FBXO25: variants seen among roughly 807,000 people sequenced by gnomAD.
The protein encoded by FBXO25 is F-box only protein 25.
In FBXO25, 45 loss-of-function variants were observed where a neutral mutation model predicts 51.9. That is an observed-to-expected ratio of 0.87 (90% CI 0.68 to 1.11). The LOEUF is 1.11. FBXO25 is among the 50% of genes most tolerant of loss of function. The probability of loss-of-function intolerance (pLI) is 0.00; values close to 1 mark genes in which losing one functional copy is unlikely to be tolerated. For missense variants in FBXO25, 507 were observed against 428.5 expected (o/e 1.18, Z -1.62); for synonymous variants, 199 against 151.0 (o/e 1.32, Z -2.33).
At position 468,790 on chromosome 8, in the gene FBXO25, C is replaced by T. The variant is rs767675060; in HGVS notation, c.1063C>T (p.Leu355Phe). 3.7e-6 allele frequency: 6 copies of T among 1,614,020 alleles called. No individual in the cohort carries two copies. Among genetic ancestry groups the T allele is most frequent in the Non-Finnish European group, 4.2e-6 (5 of 1,180,020 alleles). ...TGTGTCTCCGCAGCACTTCATCGAC[C>T]TCTTCAAGTTTTAAGGGCTGCCCCT... is the stretch of plus-strand genomic sequence containing the variant. ...TPVSPQHFID[L>F]FKF is the part of the protein sequence containing the mutation. Residue 355 changes from leucine (L) to phenylalanine (F), a missense_variant, in exon 10 of 10, where the codon CTC (leucine) becomes TTC (phenylalanine). Leu to Phe is a conservative substitution (Grantham distance 22). Coordinates refer to ENST00000350302, the MANE Select transcript of FBXO25 (RefSeq NM_183420.2).
intron 2 of FBXO25, among the ~76,000 whole-genome samples, chr8:428,277 G>C (rs923973741): frequency 1.3e-5 from 2 of 152,150 alleles, no homozygotes; most frequent in African/African-American, 4.8e-5. Context: ...GTATGCTGTG[G>C]TGCAGCCTGG....
Position 463,102 on chromosome 8 carries a change from C to CCGG in FBXO25, c.939_940insCGG (p.Tyr313_Gly314insArg). The stretch of plus-strand genomic sequence containing the variant: ...AACATTACCCAGCGAAGGAGCAGTA[C>CCGG]GGAGACACACTGCATTTCTGTCGGC... On this transcript the variant is annotated inframe_insertion, in exon 9 of 10. Coordinates refer to ENST00000350302, the MANE Select transcript of FBXO25 (RefSeq NM_183420.2). 1 of 1,613,808 alleles carries CCGG rather than the reference C, an allele frequency of 6.2e-7. No homozygotes were observed. Among genetic ancestry groups the CCGG allele is most frequent in the Non-Finnish European group, 8.5e-7 (1 of 1,179,928 alleles).
At chr8:423,252 C>A (rs961066661) in intron 2 of FBXO25, among the ~76,000 whole-genome samples, 19 of 152,280 alleles carry the variant, frequency 1.2e-4, no homozygotes, top group African/African-American at 4.6e-4. Flanking sequence ...GAGTCTTCAC[C>A]ATTGTGGTTC....
chr8:456,571 C>T (rs1405938100), intron 7 of FBXO25, among the ~76,000 whole-genome samples: 1 of 152,120 alleles, frequency 6.6e-6, no homozygotes, highest in Non-Finnish European at 1.5e-5. Flanking sequence ...TGACATCTGC[C>T]CTATGCGTGG....
chr8:446,033 C>T (rs900604432), intron 5 of FBXO25, among the ~76,000 whole-genome samples: 5 of 152,088 alleles, frequency 3.3e-5, no homozygotes, highest in Admixed American at 1.3e-4. Flanking sequence ...GGCACACCCT[C>T]CTGGTGTCTG....
intron 2 of FBXO25, among the ~76,000 whole-genome samples, chr8:426,969 T>A (rs564756103): frequency 2.0e-5 from 3 of 152,272 alleles, no homozygotes; most frequent in South Asian, 2.1e-4. Context: ...TAAAATTGAC[T>A]GGACTTTCTC....
At position 463,005 on chromosome 8, in the gene FBXO25, A is replaced by G; in HGVS notation, c.844-2A>G. ...ATTCTGAATGGAGTTTTGTTTGTTT[A>G]GTTTTGTAGACATTTGATCCTTTCA... On this transcript the variant is annotated splice_acceptor_variant, in intron 8 of 9. Transcript: ENST00000350302. LOFTEE classifies it high-confidence loss of function. 6.2e-7 allele frequency: 1 copy of G among 1,603,732 alleles called. No homozygotes were observed. The highest frequency in any genetic ancestry group is 8.5e-7 in the Non-Finnish European group (1 of 1,177,080).
Position 437,915 on chromosome 8 carries a change from A to C in FBXO25, c.381+2208A>C, listed in dbSNP as rs192380783. Among the ~76,000 whole-genome samples the C allele has an allele frequency of 2.0e-3, 304 of 152,268 alleles. 3 individuals carry two copies. Among genetic ancestry groups the C allele is most frequent in the Admixed American group, 4.4e-3 (68 of 15,298 alleles). The stretch of plus-strand genomic sequence containing the variant: ...CATAATTTAGTCTAAGTTGTCCATA[A>C]TGTCACTCAGTATTATTAGAATACC... On this transcript the variant is annotated intron_variant, in intron 5 of 9. Transcript: ENST00000350302.
intron 1 of FBXO25, chr8:407,351 G>C (rs1188317007): frequency 1.0e-6 from 1 of 975,956 alleles, no homozygotes; most frequent in Non-Finnish European, 1.2e-6. Flanking sequence ...TGCCGCGTGC[G>C]CGTCTGCTGA....
intron 2 of FBXO25, among the ~76,000 whole-genome samples, chr8:424,053 C>T (rs527646115): frequency 1.2e-4 from 18 of 151,298 alleles, no homozygotes; most frequent in African/African-American, 2.9e-4. Flanking sequence ...GGTACTGAGC[C>T]GTTTTCATGT....
At position 410,001 on chromosome 8, in the gene FBXO25, A is replaced by G. The variant is rs73669370; in HGVS notation, c.-8+2935A>G. 4.8e-3 allele frequency among the ~76,000 whole-genome samples: 732 copies of G among 152,124 alleles called. 2 individuals carry two copies. Among genetic ancestry groups the G allele is most frequent in the African/African-American group, 0.017 (693 of 41,526 alleles). On this transcript the variant is annotated intron_variant, in intron 1 of 9. Coordinates refer to ENST00000350302, the MANE Select transcript of FBXO25 (RefSeq NM_183420.2). ...AACTGTGGCACACATTTTGCCCTTT[A>G]TACTTATTCACCCACCATTCCCATG...
At chr8:430,300 G>T (rs1169078642) in intron 2 of FBXO25, among the ~76,000 whole-genome samples, 2 of 152,152 alleles carry the variant, frequency 1.3e-5, no homozygotes, top group African/African-American at 4.8e-5. Flanking sequence ...TCCATAAATT[G>T]CTGTTATAAT....
intron 1 of FBXO25, among the ~76,000 whole-genome samples, 189 bp from the exon 2 acceptor site, chr8:412,884 C>A (rs1382704646): frequency 6.6e-6 from 1 of 152,160 alleles, no homozygotes; most frequent in East Asian, 1.9e-4. Flanking sequence ...CGTTTACTTA[C>A]CCCATTTGAT....
intron 5 of FBXO25, among the ~76,000 whole-genome samples, chr8:444,447 T>A (rs1798616014): frequency 6.6e-6 from 1 of 152,248 alleles, no homozygotes. Flanking sequence ...CTAGTTTTAT[T>A]ATATTACCAC....
rs1252033954 is a variant in FBXO25 at position 458,457 on chromosome 8, T to C, written c.749T>C (p.Ile250Thr). Residue 250 changes from isoleucine (I) to threonine (T), a missense_variant, in exon 8 of 10, where the codon ATC becomes ACC. By Grantham distance (89) the Ile-to-Thr change is moderately conservative (BLOSUM62 -1). Coordinates refer to ENST00000350302, the MANE Select transcript of FBXO25 (RefSeq NM_183420.2). ...LYRFSDGWDI[I>T]TLGQVTPTLY... The stretch of plus-strand genomic sequence containing the variant: ...CGGTTCTCAGACGGATGGGACATCA[T>C]CACCTTAGGCCAGGTGACCCCCACG... The C allele has an allele frequency of 6.2e-7, 1 of 1,614,176 alleles. No individual in the cohort carries two copies. Among genetic ancestry groups the C allele is most frequent in the Non-Finnish European group, 8.5e-7 (1 of 1,180,028 alleles).
chr8:407,841 C>T (rs577579537), intron 1 of FBXO25, among the ~76,000 whole-genome samples: 1 of 152,110 alleles, frequency 6.6e-6, no homozygotes, highest in Non-Finnish European at 1.5e-5. Flanking sequence ...AATTTTGCAT[C>T]CTTCCCCTCA....
At chr8:468,009 A>G in intron 9 of FBXO25, 1 of 1,321,940 alleles carries the variant, frequency 7.6e-7, no homozygotes, top group Non-Finnish European at 9.7e-7. Context: ...TTCACCACAC[A>G]GCACCTGGTT....
chr8:407,696 C>G (rs1351919090), intron 1 of FBXO25, among the ~76,000 whole-genome samples: 1 of 152,044 alleles, frequency 6.6e-6, no homozygotes, highest in Non-Finnish European at 1.5e-5. Context: ...CTAGGTGTGA[C>G]CCCTCATTCC....
At chr8:458,080 C>T (rs1295682431) in intron 7 of FBXO25, among the ~76,000 whole-genome samples, 1 of 152,342 alleles carries the variant, frequency 6.6e-6, no homozygotes, top group East Asian at 1.9e-4. Context: ...TAGAGGAGTA[C>T]TGACCTCCTG....
Sources: allele counts gnomAD v4.1 joint callset (sites outside exome capture counted in the v4.1 genomes callset), GRCh38; gene constraint gnomAD v4.1.1; transcripts MANE v1.5; gene names NCBI Gene and HGNC (gene_info 2026-07-23, HGNC 2026-07-21).